Variants in NRXN3 observed in about 807,000 individuals in gnomAD.
NRXN3 encodes neurexin 3.
Under a neutral mutation model 137.6 loss-of-function variants are expected in NRXN3, and 32 were observed. The ratio of observed to expected loss-of-function variants is 0.23; its 90% CI spans 0.18 to 0.31. The LOEUF is 0.31. NRXN3 is among the 10% of genes least tolerant of loss of function. The probability of loss-of-function intolerance (pLI) is 1.00; values close to 1 mark genes in which losing one functional copy is unlikely to be tolerated. For missense variants in NRXN3, 1,574 were observed against 2,062.5 expected, an observed-to-expected ratio of 0.76 and a Z score of 4.59; for synonymous variants, 798 against 784.5, an observed-to-expected ratio of 1.02 and a Z score of -0.29.
At chr14:78,764,428 A>G (rs985585730) in intron 8 of NRXN3, among the ~76,000 whole-genome samples, 23 of 152,166 alleles carry the variant, frequency 1.5e-4, no homozygotes, top group African/African-American at 5.1e-4. Flanking sequence ...CTTGCTTTCC[A>G]GCTGAAATAC....
intron 6 of NRXN3, among the ~76,000 whole-genome samples, chr14:78,671,718 C>T (rs1345682911): frequency 6.6e-6 from 1 of 152,088 alleles, no homozygotes; most frequent in Admixed American, 6.6e-5. Flanking sequence ...TTGATTAGCT[C>T]TATCATTAGA....
chr14:79,772,524 G>A (rs1367284383), intron 19 of NRXN3, among the ~76,000 whole-genome samples: 2 of 152,124 alleles, frequency 1.3e-5, no homozygotes, highest in Non-Finnish European at 2.9e-5. Context: ...CAAGTAATGG[G>A]GAAAGGATTC....
At chr14:78,659,712 G>C (rs1163271662) in intron 6 of NRXN3, among the ~76,000 whole-genome samples, 1 of 95,024 alleles carries the variant, frequency 1.1e-5, no homozygotes, top group Non-Finnish European at 2.0e-5. Context: ...TGTGTGTGAG[G>C]ACAAAAAAAA....
At chr14:79,537,026 A>G (rs190449710) in intron 16 of NRXN3, among the ~76,000 whole-genome samples, 22 of 152,216 alleles carry the variant, frequency 1.4e-4, no homozygotes, top group Non-Finnish European at 2.8e-4. Context: ...ATCTTTGAGG[A>G]ATTGCCACAC....
intron 4 of NRXN3, among the ~76,000 whole-genome samples, chr14:78,380,550 CA>C (rs2088884252): frequency 6.6e-6 from 1 of 152,082 alleles, no homozygotes; most frequent in Non-Finnish European, 1.5e-5. Flanking sequence ...GAGGGAAATG[CA>C]GCCACAAGCC....
chr14:79,523,014 T>C (rs2153705320), intron 16 of NRXN3, among the ~76,000 whole-genome samples: 1 of 152,314 alleles, frequency 6.6e-6, no homozygotes, highest in East Asian at 1.9e-4. Flanking sequence ...GCTTGGTTGC[T>C]TTCTCTCTTT....
intron 15 of NRXN3, among the ~76,000 whole-genome samples, chr14:79,012,255 G>A (rs567397281): frequency 3.3e-5 from 5 of 152,286 alleles, no homozygotes; most frequent in African/African-American, 9.6e-5. Flanking sequence ...CCAAGGTCAC[G>A]TTGGCACAGA....
At chr14:79,210,217 G>T (rs2067438793) in intron 15 of NRXN3, among the ~76,000 whole-genome samples, 1 of 152,086 alleles carries the variant, frequency 6.6e-6, no homozygotes, top group Non-Finnish European at 1.5e-5. Flanking sequence ...AGATTATATT[G>T]TCCATTAATG....
chr14:78,591,825 T>C (rs1478646714), intron 4 of NRXN3, among the ~76,000 whole-genome samples: 3 of 152,212 alleles, frequency 2.0e-5, no homozygotes, highest in Non-Finnish European at 4.4e-5. Context: ...TCAGTGACAG[T>C]TGCGCCATCG....
chr14:78,229,257 T>C (rs1055862392), intron 1 of NRXN3, among the ~76,000 whole-genome samples: 1 of 152,002 alleles, frequency 6.6e-6, no homozygotes, highest in Non-Finnish European at 1.5e-5. Flanking sequence ...TTTAACTGTC[T>C]TATGTTTTGG....
intron 1 of NRXN3, among the ~76,000 whole-genome samples, chr14:78,219,614 T>C (rs1183617246): frequency 1.3e-5 from 2 of 152,218 alleles, no homozygotes; most frequent in Non-Finnish European, 2.9e-5. Flanking sequence ...TAATAATACA[T>C]CAGTGGATTT....
At chr14:79,456,428 G>T (rs893270275) in intron 15 of NRXN3, among the ~76,000 whole-genome samples, 3 of 152,108 alleles carry the variant, frequency 2.0e-5, no homozygotes, top group African/African-American at 7.2e-5. Context: ...ATTAAAAGTT[G>T]TGTATAAGAA....
At chr14:78,565,731 G>T (rs923667720) in intron 4 of NRXN3, among the ~76,000 whole-genome samples, 8 of 152,182 alleles carry the variant, frequency 5.3e-5, no homozygotes, top group African/African-American at 1.9e-4. Flanking sequence ...ATTTCTTGGG[G>T]GTTTGTTCTG....
chr14:79,274,634 A>T (rs1239854902), intron 15 of NRXN3, among the ~76,000 whole-genome samples: 1 of 150,288 alleles, frequency 6.7e-6, no homozygotes, highest in Admixed American at 6.6e-5. Context: ...AAAAAAAAAA[A>T]TGCTTCTATA....
chr14:78,388,832 G>T (rs1259256270), intron 4 of NRXN3, among the ~76,000 whole-genome samples: 2 of 151,862 alleles, frequency 1.3e-5, no homozygotes, highest in East Asian at 1.9e-4. Flanking sequence ...AGTTTTTGGA[G>T]AATTTAACTT....
chr14:79,233,429 C>T (rs1396612448), intron 15 of NRXN3, among the ~76,000 whole-genome samples: 1 of 152,114 alleles, frequency 6.6e-6, no homozygotes, highest in African/African-American at 2.4e-5. Flanking sequence ...CCTAGCCTAG[C>T]AAGACCCTCT....
At chr14:79,074,328 T>C (rs2045618001) in intron 15 of NRXN3, among the ~76,000 whole-genome samples, 1 of 152,180 alleles carries the variant, frequency 6.6e-6, no homozygotes, top group Non-Finnish European at 1.5e-5. Context: ...GTTGAAAAAA[T>C]TATTTCTCTA....
intron 15 of NRXN3, among the ~76,000 whole-genome samples, chr14:79,076,935 C>T (rs1209825937): frequency 6.6e-6 from 1 of 152,160 alleles, no homozygotes; most frequent in Admixed American, 6.5e-5. Context: ...ACTCAAGTAC[C>T]TACATGCCCA....
At chr14:78,272,511 A>G (rs1459120509) in intron 2 of NRXN3, among the ~76,000 whole-genome samples, 1 of 152,224 alleles carries the variant, frequency 6.6e-6, no homozygotes, top group Non-Finnish European at 1.5e-5. Flanking sequence ...ATGTGGCTGC[A>G]GAAGGAACAG....
Sources: gnomAD v4.1 joint callset for allele counts (sites outside exome capture counted in the v4.1 genomes callset) on GRCh38, gnomAD v4.1.1 for gene constraint, MANE v1.5 for transcripts, NCBI Gene and HGNC (gene_info 2026-07-23, HGNC 2026-07-21) for gene names.